The following KCNJ6 variants were observed in gnomAD, a reference collection of about 807,000 sequenced individuals.
KCNJ6 encodes potassium inwardly rectifying channel subfamily J member 6.
KCNJ6 carries 9 observed loss-of-function variants against 34.2 expected under a neutral mutation model. The ratio of observed to expected loss-of-function variants is 0.26; its 90% CI spans 0.16 to 0.46. The LOEUF is 0.46. Among genes scored for constraint, KCNJ6 ranks in the 20% least tolerant of loss-of-function variants. The pLI is 1.00. For missense variants in KCNJ6, 236 were observed against 531.3 expected, an observed-to-expected ratio of 0.44 and a Z score of 5.46; for synonymous variants, 196 against 207.1, an observed-to-expected ratio of 0.95 and a Z score of 0.46.
intron 3 of KCNJ6, among the ~76,000 whole-genome samples, chr21:37,690,665 G>A (rs1161658739): frequency 6.6e-6 from 1 of 151,986 alleles, no homozygotes; most frequent in Non-Finnish European, 1.5e-5. Context: ...GCACAAATGT[G>A]AATTTTAAAA....
rs144412082 is a variant in KCNJ6 at position 37,740,436 on chromosome 21, T to A, written c.26-25305A>T. Reference sequence around the variant, plus strand: ...TTACCTTTCTATTGATCCCAGGTCTTTAGATAAACTCAACCCATTGTCGAC... The same window carrying A: ...TTACCTTTCTATTGATCCCAGGTCTATAGATAAACTCAACCCATTGTCGAC... On this transcript the variant is annotated intron_variant, in intron 2 of 3. Transcript: ENST00000609713. 2.3e-3 allele frequency among the ~76,000 whole-genome samples: 348 copies of A among 152,326 alleles called. 3 individuals are homozygous for A. Among genetic ancestry groups the A allele is most frequent in the African/African-American group, 8.0e-3 (333 of 41,572 alleles).
chr21:37,723,889 C>T (rs1290442409), intron 2 of KCNJ6, among the ~76,000 whole-genome samples: 5 of 151,406 alleles, frequency 3.3e-5, no homozygotes, highest in Admixed American at 2.6e-4. Context: ...ATCCTGCACA[C>T]GTACTCCTTG....
intron 2 of KCNJ6, among the ~76,000 whole-genome samples, chr21:37,718,100 T>A (rs2054803627): frequency 6.6e-6 from 1 of 152,170 alleles, no homozygotes; most frequent in South Asian, 2.1e-4. Flanking sequence ...CATTGAGGGT[T>A]GGCCATGGTG....
chr21:37,711,500 C>T lies in KCNJ6; in HGVS notation c.946+2711G>A, dbSNP rs1350623207. Among the ~76,000 whole-genome samples the T allele has an allele frequency of 3.9e-5, 6 of 152,318 alleles. No homozygotes were observed. The East Asian group carries it at 1.2e-3, about 29-fold the overall frequency. On this transcript the variant is annotated intron_variant, in intron 3 of 3. Coordinates refer to ENST00000609713, the MANE Select transcript of KCNJ6 (RefSeq NM_002240.5). ...TTGTGTCAGCTTGCTATTATCACGG[C>T]TCCTGATTTCCAGTCCAGCACTACA... is the stretch of plus-strand genomic sequence containing the variant.
chr21:37,648,929 C>T lies in KCNJ6; in HGVS notation c.947-23445G>A, dbSNP rs1376930799. Among the ~76,000 whole-genome samples, 6 of 151,918 alleles carry T rather than the reference C, an allele frequency of 3.9e-5. No individual in the cohort carries two copies. The East Asian group carries it at 5.8e-4, about 15-fold the overall frequency. On this transcript the variant is annotated intron_variant, in intron 3 of 3. Coordinates refer to ENST00000609713, the MANE Select transcript of KCNJ6 (RefSeq NM_002240.5). ...GGCAGATCACCTGAGGTCAGGAATT[C>T]GAGACAAGCCTGGCCAACATGGTGA...
chr21:37,711,797 A>AC (rs369492998), intron 3 of KCNJ6, among the ~76,000 whole-genome samples: 8,473 of 142,646 alleles, frequency 0.059, 560 homozygotes, highest in African/African-American at 0.16. Flanking sequence ...ACTTTCTAGA[A>AC]CCCCCCCCCC....
At chr21:37,682,627 AC>A (rs1373513706) in intron 3 of KCNJ6, among the ~76,000 whole-genome samples, 2 of 152,038 alleles carry the variant, frequency 1.3e-5, no homozygotes, top group East Asian at 3.9e-4. Flanking sequence ...TCATCTTGAG[AC>A]CCCTAACCTA....
rs769442501 is a variant in KCNJ6 at position 37,625,139 on chromosome 21, G to A, written c.*20C>T. 14 of 1,548,554 alleles carry A rather than the reference G, an allele frequency of 9.0e-6. No homozygotes were observed. The highest frequency in any genetic ancestry group is 1.2e-5 in the Non-Finnish European group (14 of 1,124,188). On this transcript the variant is annotated 3_prime_UTR_variant, in exon 4 of 4. Transcript: ENST00000609713. The stretch of plus-strand genomic sequence containing the variant: ...AGATTGTGTTGGGGGGAGAAGAGAA[G>A]GGTTTGCCCAGCTAGGGCACTAAAC...
rs79836357 is a variant in KCNJ6 at position 37,807,979 on chromosome 21, T to G, written c.25+32679A>C. Among the ~76,000 whole-genome samples, 285 of 152,222 alleles carry G rather than the reference T, an allele frequency of 1.9e-3. 8 individuals are homozygous for G. The East Asian group carries it at 0.051, about 27-fold the overall frequency. On this transcript the variant is annotated intron_variant, in intron 2 of 3. Coordinates refer to ENST00000609713, the MANE Select transcript of KCNJ6 (RefSeq NM_002240.5). ...GTCCTGGTGTGACATGCAGGGAAAG[T>G]TGGCAGAGGATATGTCCTGGGTGCT...
intron 2 of KCNJ6, among the ~76,000 whole-genome samples, chr21:37,778,104 C>T (rs983033895): frequency 4.6e-5 from 7 of 152,072 alleles, no homozygotes; most frequent in African/African-American, 7.2e-5. Context: ...GCTTTTTTTC[C>T]ATGCTAGAAA....
chr21:37,614,510 CTGTATGCATGTG>C lies in KCNJ6; in HGVS notation c.*10637_*10648del, dbSNP rs1569429224. On this transcript the variant is annotated 3_prime_UTR_variant, in exon 4 of 4. Coordinates refer to ENST00000609713, the MANE Select transcript of KCNJ6 (RefSeq NM_002240.5). ...TCTGTGTGCGTGTATGCATGTGTCT[CTGTATGCATGTG>C]TGTATGCATGTCTCTGTGTATGCGT... 3.4e-5 allele frequency: 1 copy of C among 29,152 alleles called. No homozygotes were observed. The allele number at this position is 29,152 out of a possible 1,614,324, so 1.8% of individuals were successfully genotyped here.
intron 1 of KCNJ6, among the ~76,000 whole-genome samples, chr21:37,859,106 A>G (rs2055579752): frequency 6.6e-6 from 1 of 152,184 alleles, no homozygotes; most frequent in Admixed American, 6.5e-5. Flanking sequence ...AATATGATAA[A>G]GAACAATAAA....
chr21:37,754,383 G>A (rs546067339), intron 2 of KCNJ6, among the ~76,000 whole-genome samples: 2 of 152,278 alleles, frequency 1.3e-5, no homozygotes, highest in South Asian at 4.2e-4. Context: ...GGTTTTTCTA[G>A]CTCCATAGTT....
chr21:37,648,668 A>G (rs1443047588), intron 3 of KCNJ6, among the ~76,000 whole-genome samples: 2 of 152,216 alleles, frequency 1.3e-5, no homozygotes, highest in Non-Finnish European at 2.9e-5. Context: ...TAATTTTATT[A>G]TGCTGCTTCT....
intron 2 of KCNJ6, among the ~76,000 whole-genome samples, chr21:37,780,700 A>G (rs2055165233): frequency 6.6e-6 from 1 of 152,220 alleles, no homozygotes; most frequent in African/African-American, 2.4e-5. Context: ...ATTTAATTGT[A>G]CATTTTAAAA....
intron 2 of KCNJ6, among the ~76,000 whole-genome samples, chr21:37,718,656 G>C (rs2054807313): frequency 1.3e-5 from 2 of 151,818 alleles, no homozygotes. Context: ...TCACACACCG[G>C]TGCCTGTTAG....
At chr21:37,785,355 A>C (rs539431487) in intron 2 of KCNJ6, among the ~76,000 whole-genome samples, 1 of 152,352 alleles carries the variant, frequency 6.6e-6, no homozygotes, top group East Asian at 1.9e-4. Flanking sequence ...AGCACTGCTT[A>C]AGCTGAGGAA....
intron 1 of KCNJ6, among the ~76,000 whole-genome samples, chr21:37,914,575 A>C (rs1396878854): frequency 2.6e-5 from 4 of 152,012 alleles, no homozygotes; most frequent in Non-Finnish European, 5.9e-5. Flanking sequence ...GTTTTGTCCA[A>C]TTTTTTTCCC....
At chr21:37,887,560 C>T (rs928718766) in intron 1 of KCNJ6, among the ~76,000 whole-genome samples, 7 of 152,150 alleles carry the variant, frequency 4.6e-5, no homozygotes, top group Admixed American at 3.9e-4. Context: ...TAGCTGTAAC[C>T]TAAATCTCAG....
Sources: allele counts gnomAD v4.1 joint callset (sites outside exome capture counted in the v4.1 genomes callset), GRCh38; gene constraint gnomAD v4.1.1; transcripts MANE v1.5; gene names NCBI Gene and HGNC (gene_info 2026-07-23, HGNC 2026-07-21).